GPC3: variants seen among roughly 807,000 people sequenced by gnomAD.
GPC3 encodes the protein glypican 3.
GPC3 carries 3 observed loss-of-function variants against 34.4 expected under a neutral mutation model. The ratio of observed to expected loss-of-function variants is 0.09; its 90% CI spans 0.04 to 0.23. The LOEUF is 0.23. Among genes scored for constraint, GPC3 ranks in the 10% least tolerant of loss-of-function variants. GPC3 has a pLI of 1.00. For synonymous variants in GPC3, 177 were observed against 174.0 expected (o/e 1.02, Z -0.13); for missense variants, 351 against 445.6 (o/e 0.79, Z 1.91).
intron 7 of GPC3, among the ~76,000 whole-genome samples, chrX:133,541,376 T>C (rs1381719119): frequency 8.9e-6 from 1 of 112,066 alleles, no homozygotes; most frequent in Non-Finnish European, 1.9e-5. Context: ...ATCATTCATA[T>C]CTTTATGTTT....
chrX:133,688,458 A>C lies in GPC3; in HGVS notation c.1292+3911T>G, dbSNP rs768298146. ...TTGCATTCATAAGAGATAAAAAAGG[A>C]AAGGATGGAAAATATGACCTTATTC... On this transcript the variant is annotated intron_variant, in intron 5 of 7. Coordinates refer to ENST00000370818, the MANE Select transcript of GPC3 (RefSeq NM_004484.4). 4.5e-5 allele frequency among the ~76,000 whole-genome samples: 5 copies of C among 111,896 alleles called. No individual in the cohort carries two copies. In the South Asian group the frequency reaches 1.9e-3, roughly 42 times the overall value.
At chrX:133,594,361 G>A (rs1158523640) in intron 7 of GPC3, among the ~76,000 whole-genome samples, 3 of 111,352 alleles carry the variant, frequency 2.7e-5, no homozygotes, top group Non-Finnish European at 5.6e-5. Flanking sequence ...GAGAGCAGTT[G>A]AGACTCGTGG....
intron 4 of GPC3, among the ~76,000 whole-genome samples, chrX:133,694,387 A>G (rs1046318492): frequency 1.8e-5 from 2 of 110,994 alleles, no homozygotes; most frequent in African/African-American, 3.3e-5. Context: ...GAGCACCATC[A>G]ATCTCCAAAA....
chrX:133,610,621 T>C (rs1165850498), intron 6 of GPC3, among the ~76,000 whole-genome samples: 1 of 106,953 alleles, frequency 9.3e-6, no homozygotes, highest in Non-Finnish European at 1.9e-5. Context: ...TCATGTTCGT[T>C]CAACATAATT....
intron 6 of GPC3, among the ~76,000 whole-genome samples, chrX:133,618,540 C>A (rs1645480545): frequency 9.2e-6 from 1 of 109,103 alleles, no homozygotes; most frequent in African/African-American, 3.3e-5. Flanking sequence ...TCAAAATAGA[C>A]CAAGGGTTAA....
rs1418241072 is a variant in GPC3, at chrX:133,536,103, CAT to C, written c.*19_*20del. On this transcript the variant is annotated 3_prime_UTR_variant, in exon 8 of 8. Transcript: ENST00000370818. ...GACCACAGGGTGCTGTAGGGCAGCACATGTGCTGGGCACCAGGCAGTCAGTGC... is the reference window on the plus strand; with the variant it reads ...GACCACAGGGTGCTGTAGGGCAGCACGTGCTGGGCACCAGGCAGTCAGTGC... 1 of 1,169,602 alleles carries C rather than the reference CAT, an allele frequency of 8.5e-7. No individual in the cohort carries two copies. The highest frequency in any genetic ancestry group is 1.8e-5 in the African/African-American group (1 of 55,689).
At chrX:133,839,258 A>G (rs2075813178) in intron 2 of GPC3, among the ~76,000 whole-genome samples, 1 of 111,711 alleles carries the variant, frequency 9.0e-6, no homozygotes, top group African/African-American at 3.3e-5. Flanking sequence ...CCCCCAAAGC[A>G]TTTTTGGCTC....
chrX:133,604,624 T>A (rs1329561410), intron 6 of GPC3, among the ~76,000 whole-genome samples: 3 of 111,391 alleles, frequency 2.7e-5, no homozygotes, highest in Non-Finnish European at 5.7e-5. Context: ...CTTTAGCATT[T>A]AAAAAAAATA....
chrX:133,579,828 G>A (rs148029558), intron 7 of GPC3, among the ~76,000 whole-genome samples: 25 of 111,972 alleles, frequency 2.2e-4, no homozygotes, highest in African/African-American at 7.8e-4. Flanking sequence ...AAGCCACGAC[G>A]CCCAGCCTGA....
chrX:133,776,470 T>A (rs1478496821), intron 2 of GPC3, among the ~76,000 whole-genome samples: 1 of 111,969 alleles, frequency 8.9e-6, no homozygotes, highest in Admixed American at 9.5e-5. Flanking sequence ...AGTGGCAAAA[T>A]GTACCTACCT....
chrX:133,766,223 G>T (rs1170369101), intron 2 of GPC3, among the ~76,000 whole-genome samples: 1 of 112,042 alleles, frequency 8.9e-6, no homozygotes, highest in Non-Finnish European at 1.9e-5. Flanking sequence ...ACTACTTAAA[G>T]ACCATTTTTG....
intron 6 of GPC3, among the ~76,000 whole-genome samples, chrX:133,649,296 A>G (rs372445419): frequency 1.9e-5 from 2 of 104,801 alleles, no homozygotes; most frequent in Non-Finnish European, 3.9e-5. Context: ...GTGTGTGTGT[A>G]TTTTACTTTT....
intron 7 of GPC3, among the ~76,000 whole-genome samples, chrX:133,574,138 A>G (rs1429845551): frequency 9.0e-6 from 1 of 111,729 alleles, no homozygotes; most frequent in East Asian, 2.8e-4. Flanking sequence ...CAGAAAGTAG[A>G]TTAGTGCTTA....
At chrX:133,748,628 G>A (rs1474083396) in intron 3 of GPC3, among the ~76,000 whole-genome samples, 5 of 103,336 alleles carry the variant, frequency 4.8e-5, no homozygotes, top group Non-Finnish European at 9.7e-5. Flanking sequence ...TATTTACTTC[G>A]TTTAGACTAA....
intron 3 of GPC3, among the ~76,000 whole-genome samples, chrX:133,722,129 A>G (rs1346763397): frequency 9.0e-6 from 1 of 111,637 alleles, no homozygotes; most frequent in Non-Finnish European, 1.9e-5. Context: ...CAGTCTGATG[A>G]GCCCCTTTAT....
intron 2 of GPC3, among the ~76,000 whole-genome samples, chrX:133,768,852 A>C (rs1445475730): frequency 3.6e-5 from 4 of 110,803 alleles, no homozygotes; most frequent in African/African-American, 1.3e-4. Context: ...AGGCAGGAGA[A>C]TCACTGGAAC....
chrX:133,858,964 C>T (rs2075921585), intron 2 of GPC3, among the ~76,000 whole-genome samples: 1 of 108,202 alleles, frequency 9.2e-6, no homozygotes, highest in Non-Finnish European at 1.9e-5. Flanking sequence ...GCCTGTAGTC[C>T]CAGCTATTCG....
chrX:133,860,997 G>A (rs1431798128), intron 2 of GPC3, among the ~76,000 whole-genome samples: 1 of 110,902 alleles, frequency 9.0e-6, no homozygotes, highest in Non-Finnish European at 1.9e-5. Context: ...AGCTACTTGG[G>A]AGGCTGAGGT....
At chrX:133,803,221 G>A (rs1353459257) in intron 2 of GPC3, among the ~76,000 whole-genome samples, 8 of 112,330 alleles carry the variant, frequency 7.1e-5, no homozygotes, top group Admixed American at 2.8e-4. Context: ...CAGTGCGCCC[G>A]GTAACAGTGG....
Sources: gnomAD v4.1 joint callset for allele counts (sites outside exome capture counted in the v4.1 genomes callset) on GRCh38, gnomAD v4.1.1 for gene constraint, MANE v1.5 for transcripts, NCBI Gene and HGNC (gene_info 2026-07-23, HGNC 2026-07-21) for gene names.